The following RRM2 variants were observed in gnomAD, a reference collection of about 807,000 sequenced individuals.
The protein encoded by RRM2 is ribonucleoside-diphosphate reductase subunit M2.
In RRM2, 6 loss-of-function variants were observed where a neutral mutation model predicts 45.9. That is an observed-to-expected ratio of 0.13 (90% CI 0.07 to 0.26). The LOEUF is 0.26. Ranked by LOEUF, RRM2 falls within the 10% of genes least tolerant of loss-of-function variation. RRM2 has a pLI of 1.00. For missense variants in RRM2, 343 were observed against 489.5 expected (o/e 0.70, Z 2.82); for synonymous variants, 177 against 173.0 (o/e 1.02, Z -0.18).
chr2:10,154,237 G>A (rs553662843), intron 3 of RRM2, among the ~76,000 whole-genome samples: 1 of 152,292 alleles, frequency 6.6e-6, no homozygotes, highest in South Asian at 2.1e-4. Context: ...ACTTTGGGAG[G>A]CCTAGGCGGG....
chr2:10,178,079 G>A (rs1477788117), intron 3 of RRM2, among the ~76,000 whole-genome samples: 1 of 151,598 alleles, frequency 6.6e-6, no homozygotes, highest in East Asian at 1.9e-4. Flanking sequence ...CCACCAACAC[G>A]CCCGGCTAAT....
chr2:10,165,764 C>T (rs1663666492), intron 3 of RRM2, among the ~76,000 whole-genome samples: 1 of 152,198 alleles, frequency 6.6e-6, no homozygotes, highest in South Asian at 2.1e-4. Flanking sequence ...ATGCTGCCTT[C>T]CAAAATGGAA....
rs903919964 is a variant in RRM2 at position 10,172,737 on chromosome 2, G to A, written n.482+30362G>A. Among the ~76,000 whole-genome samples the A allele has an allele frequency of 6.6e-6, 1 of 152,176 alleles. No homozygotes were observed. Among genetic ancestry groups the A allele is most frequent in the Non-Finnish European group, 1.5e-5 (1 of 68,036 alleles). ...CTGGGTGTGTTGTTGCTGCACCCAG[G>A]ACTGCCCACATCAGTTGCAAAATGC... On this transcript the variant is annotated intron_variant and non_coding_transcript_variant, in intron 3 of 3. Transcript: ENST00000381786. This position sits in a 1 kb window ranked among gnomAD's most constrained non-coding sequence, Gnocchi z 4.9.
rs1191850048 is a variant in RRM2, at chr2:10,192,199, G to A, written n.483-18112G>A. Among the ~76,000 whole-genome samples the A allele has an allele frequency of 2.6e-5, 4 of 152,202 alleles. No homozygotes were observed. The East Asian group carries it at 7.7e-4, about 29-fold the overall frequency. ...GGGAGGTAAAAGCTGTTCAGCCAAG[G>A]CTTTCTCAGCCTGGGGACTGACCTG... On this transcript the variant is annotated intron_variant and non_coding_transcript_variant, in intron 3 of 3. Transcript: ENST00000381786.
intron 3 of RRM2, among the ~76,000 whole-genome samples, chr2:10,187,847 A>G (rs1664200442): frequency 6.6e-6 from 1 of 152,192 alleles, no homozygotes; most frequent in Admixed American, 6.5e-5. Flanking sequence ...CTTCTGCAGC[A>G]TTCGGCCATT....
At chr2:10,190,729 TGGCG>T (rs111521784) in intron 3 of RRM2, among the ~76,000 whole-genome samples, 1 of 39,752 alleles carries the variant, frequency 2.5e-5, no homozygotes, top group Non-Finnish European at 4.7e-5. Flanking sequence ...GTGATGATCT[TGGCG>T]GTGATGGTGG....
At chr2:10,126,195 TGCCCAATG>T (rs1662777181) in intron 5 of RRM2, among the ~76,000 whole-genome samples, 1 of 11,424 alleles carries the variant, frequency 8.8e-5, no homozygotes, top group Non-Finnish European at 2.0e-4. Flanking sequence ...AAAAAAAAGC[TGCCCAATG>T]TCTGGTGCCC....
chr2:10,177,499 A>G (rs903409369), intron 3 of RRM2, among the ~76,000 whole-genome samples: 5 of 152,294 alleles, frequency 3.3e-5, no homozygotes, highest in African/African-American at 1.2e-4. Context: ...CATAATAACT[A>G]TATTGATGTT....
chr2:10,192,031 C>T (rs1382565249), intron 3 of RRM2, among the ~76,000 whole-genome samples: 3 of 152,104 alleles, frequency 2.0e-5, no homozygotes, highest in African/African-American at 7.2e-5. Flanking sequence ...TCATGGAGGC[C>T]AGAGGGGACT....
intron 3 of RRM2, among the ~76,000 whole-genome samples, chr2:10,199,800 A>AAAAAAAAAAAAAAAAAAAAAAAAAAC (rs1572534126): frequency 3.1e-5 from 3 of 97,884 alleles, no homozygotes; most frequent in African/African-American, 1.2e-4. Flanking sequence ...AAAAAAAAAA[A>AAAAAAAAAAAAAAAAAAAAAAAAAAC]AAAAAAAAAC....
chr2:10,174,590 A>AAG (rs58246521), intron 3 of RRM2, among the ~76,000 whole-genome samples: 1 of 148,762 alleles, frequency 6.7e-6, no homozygotes, highest in Non-Finnish European at 1.5e-5. Context: ...AAAAAAAAAA[A>AAG]GGCTAGGTAT....
intron 3 of RRM2, among the ~76,000 whole-genome samples, chr2:10,152,838 A>G (rs1189063832): frequency 6.6e-6 from 1 of 152,100 alleles, no homozygotes; most frequent in Non-Finnish European, 1.5e-5. Flanking sequence ...ACTCTTGGAC[A>G]TGGTTGGTGG....
At chr2:10,210,372 G>T in exon 4 of RRM2, 1 of 1,367,794 alleles carries the variant, frequency 7.3e-7, no homozygotes, top group Non-Finnish European at 9.8e-7. Context: ...CCCTCATTGT[G>T]AAGGGAGAGC....
chr2:10,136,748 G>A (rs893918317), upstream of RRM2, among the ~76,000 whole-genome samples: 2 of 152,180 alleles, frequency 1.3e-5, no homozygotes, highest in African/African-American at 4.8e-5. Context: ...ACTCTAGCCT[G>A]GGCAACAGAG....
chr2:10,188,602 G>A (rs1242038806), intron 3 of RRM2, among the ~76,000 whole-genome samples: 2 of 152,068 alleles, frequency 1.3e-5, no homozygotes, highest in Non-Finnish European at 2.9e-5. Context: ...GATTTGGGGG[G>A]ACACTCAGTT....
At chr2:10,181,590 G>T (rs1426188709) in intron 3 of RRM2, among the ~76,000 whole-genome samples, 2 of 151,792 alleles carry the variant, frequency 1.3e-5, no homozygotes, top group African/African-American at 4.8e-5. Context: ...AGCATTTCAG[G>T]CTAGAAATTT....
upstream of RRM2, among the ~76,000 whole-genome samples, chr2:10,140,680 T>C (rs564226778): frequency 6.6e-6 from 1 of 152,318 alleles, no homozygotes; most frequent in East Asian, 1.9e-4. Context: ...CGTAAAGTTA[T>C]GGGTATACTG....
rs767876570 is a variant in RRM2, at chr2:10,127,270, G to A, written c.798+50G>A. The A allele has an allele frequency of 1.3e-6, 2 of 1,586,696 alleles. No homozygotes were observed. Among genetic ancestry groups the A allele is most frequent in the African/African-American group, 2.7e-5 (2 of 74,434 alleles). ...TGACCTAAACCCCAAACACAACTCG[G>A]GCATGCTCTTGTGTTCACTGACGGG... On this transcript the variant is annotated intron_variant, in intron 7 of 9. Coordinates refer to ENST00000304567, the MANE Select transcript of RRM2 (RefSeq NM_001034.4). This position sits in a 1 kb window ranked among gnomAD's most constrained non-coding sequence, Gnocchi z 4.1.
chr2:10,159,987 G>A (rs976453607), intron 3 of RRM2, among the ~76,000 whole-genome samples: 1 of 152,160 alleles, frequency 6.6e-6, no homozygotes, highest in Non-Finnish European at 1.5e-5. Flanking sequence ...GCCCTCGGGG[G>A]AAAGTCCAGC....
Sources: gnomAD v4.1 joint callset for allele counts (sites outside exome capture counted in the v4.1 genomes callset) on GRCh38, gnomAD v4.1.1 for gene constraint, Gnocchi (gnomAD v3.1) non-coding constraint, MANE v1.5 for transcripts, NCBI Gene and HGNC (gene_info 2026-07-23, HGNC 2026-07-21) for gene names.